The following ARSG variants were observed in gnomAD, a reference collection of about 807,000 sequenced individuals.
ARSG encodes the protein arylsulfatase G.
A neutral mutation model predicts 50.5 loss-of-function variants in ARSG; 37 were observed. That is an observed-to-expected ratio of 0.73 (90% CI 0.56 to 0.96). ARSG has a LOEUF of 0.96. Among genes scored for constraint, ARSG ranks in the 50% least tolerant of loss-of-function variants. The pLI is 0.00. For missense variants in ARSG, 629 were observed against 675.3 expected (o/e 0.93, Z 0.76); for synonymous variants, 225 against 254.6 (o/e 0.88, Z 1.11).
At chr17:68,380,619 C>G (rs1480740162) in intron 8 of ARSG, among the ~76,000 whole-genome samples, 1 of 152,098 alleles carries the variant, frequency 6.6e-6, no homozygotes, top group Non-Finnish European at 1.5e-5. Flanking sequence ...TATTGTAAGT[C>G]TACAGTATAT....
intron 8 of ARSG, among the ~76,000 whole-genome samples, chr17:68,384,579 G>A (rs1400484765): frequency 1.3e-5 from 2 of 152,166 alleles, no homozygotes; most frequent in Non-Finnish European, 2.9e-5. Context: ...TGGATGTTGA[G>A]CAGATCAAAT....
chr17:68,300,182 G>A (rs2076360031), intron 1 of ARSG, among the ~76,000 whole-genome samples: 1 of 152,188 alleles, frequency 6.6e-6, no homozygotes, highest in African/African-American at 2.4e-5. Context: ...CTGGCCGCAG[G>A]TGATCCTCCT....
chr17:68,404,754 A>G (rs1334435610), intron 11 of ARSG, among the ~76,000 whole-genome samples: 5 of 152,208 alleles, frequency 3.3e-5, no homozygotes, highest in African/African-American at 1.2e-4. Context: ...CTGTGAAATG[A>G]TTTGCCAAAT....
intron 11 of ARSG, among the ~76,000 whole-genome samples, chr17:68,407,347 A>G (rs1197239455): frequency 6.6e-6 from 1 of 152,158 alleles, no homozygotes; most frequent in East Asian, 1.9e-4. Flanking sequence ...TGCTTTGGCT[A>G]TGCAAGCTCT....
chr17:68,316,797 C>T (rs535864425), intron 2 of ARSG, among the ~76,000 whole-genome samples: 3 of 152,124 alleles, frequency 2.0e-5, no homozygotes, highest in South Asian at 2.1e-4. Context: ...GCCCTGCTCC[C>T]CTGTTCGTCA....
At chr17:68,418,337 C>T (rs897560639) in intron 11 of ARSG, among the ~76,000 whole-genome samples, 1 of 152,188 alleles carries the variant, frequency 6.6e-6, no homozygotes, top group African/African-American at 2.4e-5. Flanking sequence ...TCCCTCAGTC[C>T]TGGGACACAG....
At chr17:68,403,849 C>G (rs1239979585) in intron 11 of ARSG, among the ~76,000 whole-genome samples, 2 of 151,960 alleles carry the variant, frequency 1.3e-5, no homozygotes, top group African/African-American at 4.8e-5. Context: ...CTAATGCTTT[C>G]CCTCCCCCCT....
At chr17:68,417,483 C>T (rs981605990) in intron 11 of ARSG, among the ~76,000 whole-genome samples, 7 of 151,998 alleles carry the variant, frequency 4.6e-5, no homozygotes, top group Non-Finnish European at 7.4e-5. Flanking sequence ...TGGGGGGTGG[C>T]GCTTGATAAC....
At chr17:68,263,138 GA>G (rs2075099393) in intron 1 of ARSG, among the ~76,000 whole-genome samples, 2 of 152,226 alleles carry the variant, frequency 1.3e-5, no homozygotes, top group African/African-American at 4.8e-5. Context: ...GTAGGAAATG[GA>G]TAGTCATTGA....
At chr17:68,300,249 G>T (rs1476463939) in intron 1 of ARSG, among the ~76,000 whole-genome samples, 15 of 152,068 alleles carry the variant, frequency 9.9e-5, no homozygotes, top group Non-Finnish European at 1.5e-5. Context: ...CCTGGCCTGG[G>T]GCTTATTTCA....
chr17:68,358,377 A>G (rs2079129400), intron 6 of ARSG, among the ~76,000 whole-genome samples: 1 of 151,322 alleles, frequency 6.6e-6, no homozygotes, highest in African/African-American at 2.4e-5. Context: ...ACCTGGTGAG[A>G]CCTTGTCTTT....
At chr17:68,429,779 G>A in the ARSG span, among the ~76,000 whole-genome samples, 2 of 152,098 alleles carry the variant, frequency 1.3e-5, no homozygotes, top group African/African-American at 4.8e-5. Context: ...AGTAGAGACG[G>A]GATTTCACCA....
chr17:68,419,779 G>A (rs2082637490), intron 11 of ARSG, among the ~76,000 whole-genome samples: 1 of 147,370 alleles, frequency 6.8e-6, no homozygotes, highest in African/African-American at 2.6e-5. Context: ...GAGGAACATA[G>A]CGGGACCCTG....
chr17:68,351,478 T>C, intron 4 of ARSG, 97 bp from the exon 5 acceptor site: 1 of 717,536 alleles, frequency 1.4e-6, no homozygotes, highest in Admixed American at 2.0e-5. Context: ...ACTGCAGTAT[T>C]AAATCATAGG....
chr17:68,432,080 A>G, the ARSG span, among the ~76,000 whole-genome samples: 3 of 152,362 alleles, frequency 2.0e-5, no homozygotes, highest in Admixed American at 6.5e-5. Context: ...TATAATCTCC[A>G]GGGAAAGAGT....
intron 1 of ARSG, among the ~76,000 whole-genome samples, chr17:68,303,349 C>T (rs1268751594): frequency 2.6e-5 from 4 of 152,210 alleles, no homozygotes; most frequent in African/African-American, 9.7e-5. Flanking sequence ...TGGTCTCCAA[C>T]TCTCAGGCTC....
chr17:68,439,925 G>T, the ARSG span, among the ~76,000 whole-genome samples: 40,272 of 150,672 alleles, frequency 0.27, 5,982 homozygotes, highest in Middle Eastern at 0.35. Flanking sequence ...AGCAGTCTTG[G>T]AGCAGAAGCC....
chr17:68,450,436 G>C, the ARSG span, among the ~76,000 whole-genome samples: 1 of 152,216 alleles, frequency 6.6e-6, no homozygotes, highest in Non-Finnish European at 1.5e-5. Flanking sequence ...CCAAGCCAGA[G>C]CTCTGACCCA....
At chr17:68,361,135 C>T (rs1400455415) in intron 6 of ARSG, among the ~76,000 whole-genome samples, 1 of 151,952 alleles carries the variant, frequency 6.6e-6, no homozygotes, top group African/African-American at 2.4e-5. Flanking sequence ...TGAAATCAGA[C>T]CTTTCAAACA....
Sources: gnomAD v4.1 joint callset for allele counts (sites outside exome capture counted in the v4.1 genomes callset) on GRCh38, gnomAD v4.1.1 for gene constraint, MANE v1.5 for transcripts, NCBI Gene and HGNC (gene_info 2026-07-23, HGNC 2026-07-21) for gene names.